The following GPHN variants were observed in gnomAD, a reference collection of about 807,000 sequenced individuals.
GPHN encodes the protein gephyrin.
A neutral mutation model predicts 95.5 loss-of-function variants in GPHN; 17 were observed. The observed-to-expected ratio is 0.18, with a 90% confidence interval of 0.12 to 0.27. The LOEUF is 0.27. Ranked by LOEUF, GPHN falls within the 10% of genes least tolerant of loss-of-function variation. The probability of loss-of-function intolerance (pLI) is 1.00; values close to 1 mark genes in which losing one functional copy is unlikely to be tolerated. For missense variants in GPHN, 660 were observed against 978.1 expected (o/e 0.67, Z 4.34); for synonymous variants, 320 against 322.5 (o/e 0.99, Z 0.08).
At chr14:67,678,488 T>G in the GPHN span, 1 of 1,098,354 alleles carries the variant, frequency 9.1e-7, no homozygotes, top group Non-Finnish European at 1.4e-6. Flanking sequence ...CTGCCAGGGA[T>G]AAGGAATATG....
intron 8 of GPHN, among the ~76,000 whole-genome samples, chr14:66,953,971 G>A (rs1026829113): frequency 6.6e-6 from 1 of 151,820 alleles, no homozygotes; most frequent in Non-Finnish European, 1.5e-5. Flanking sequence ...GGAGGCGGAG[G>A]TTGCAGTGAG....
intron 1 of GPHN, among the ~76,000 whole-genome samples, chr14:66,629,143 A>G (rs1256824655): frequency 1.6e-5 from 2 of 122,656 alleles, no homozygotes; most frequent in East Asian, 4.3e-4. Flanking sequence ...ATATATATTT[A>G]TATACATATA....
chr14:67,678,893 A>AC, the GPHN span, among the ~76,000 whole-genome samples: 1 of 152,220 alleles, frequency 6.6e-6, no homozygotes, highest in Non-Finnish European at 1.5e-5. Flanking sequence ...ACTGTTAGTA[A>AC]ACTCATATGA....
intron 18 of GPHN, among the ~76,000 whole-genome samples, chr14:67,153,002 A>G (rs1047133517): frequency 2.0e-5 from 3 of 151,136 alleles, no homozygotes; most frequent in Non-Finnish European, 2.9e-5. Context: ...TTAGGCTGCT[A>G]TTTAAAAAAT....
chr14:66,638,113 G>A (rs890518855), intron 1 of GPHN, among the ~76,000 whole-genome samples: 2 of 151,748 alleles, frequency 1.3e-5, no homozygotes, highest in Non-Finnish European at 2.9e-5. Flanking sequence ...CCTCCATCTT[G>A]AAACATTTTG....
Position 66,845,819 on chromosome 14 carries a change from C to CTGTGTGTGTGTG in GPHN, c.294+21283_294+21294dup, listed in dbSNP as rs367997271. Among the ~76,000 whole-genome samples the CTGTGTGTGTGTG allele has an allele frequency of 2.1e-3, 307 of 143,398 alleles. 1 individual carries two copies. The highest frequency in any genetic ancestry group is 7.1e-3 in the African/African-American group (277 of 39,258). 94.1% of individuals were successfully genotyped at this position (143,398 alleles called of 152,430 possible). On this transcript the variant is annotated intron_variant, in intron 4 of 22. Coordinates refer to ENST00000478722, the MANE Select transcript of GPHN (RefSeq NM_020806.5). ...TTAGGTAATGTGCACATACATGCCT[C>CTGTGTGTGTGTG]TGTGTGTGTGTGTGTGTGTGTGTGT...
chr14:67,297,998 G>T, the GPHN span, among the ~76,000 whole-genome samples: 1 of 152,278 alleles, frequency 6.6e-6, no homozygotes, highest in African/African-American at 2.4e-5. Context: ...CACAGTTGTT[G>T]TGGGGAGACA....
chr14:67,257,524 A>G, the GPHN span, among the ~76,000 whole-genome samples: 1 of 152,178 alleles, frequency 6.6e-6, no homozygotes, highest in Admixed American at 6.6e-5. Context: ...GTGAGACACA[A>G]CTTGTGGAGA....
At chr14:66,516,173 A>AT (rs1415948060) in intron 1 of GPHN, among the ~76,000 whole-genome samples, 14,726 of 138,884 alleles carry the variant, frequency 0.11, 1,017 homozygotes, top group African/African-American at 0.2. Flanking sequence ...TGCCTGGCTA[A>AT]TTTTTTTTTT....
chr14:67,012,811 A>G (rs1041479228), intron 9 of GPHN, among the ~76,000 whole-genome samples: 1 of 152,152 alleles, frequency 6.6e-6, no homozygotes, highest in South Asian at 2.1e-4. Context: ...CATGATCTTC[A>G]TCTGGCTGTC....
intron 1 of GPHN, among the ~76,000 whole-genome samples, chr14:66,617,371 C>G (rs756504926): frequency 1.6e-4 from 25 of 151,908 alleles, no homozygotes; most frequent in Non-Finnish European, 8.8e-5. Context: ...TCTTCTGATC[C>G]ATGGGTTGCG....
At chr14:67,015,665 C>T (rs72730447) in intron 9 of GPHN, among the ~76,000 whole-genome samples, 7,273 of 152,052 alleles carry the variant, frequency 0.048, 200 homozygotes, top group Middle Eastern at 0.068. Context: ...CCACTCCACT[C>T]GAGCCTGGTG....
At chr14:67,208,476 G>A in the GPHN span, 2 of 1,595,624 alleles carry the variant, frequency 1.3e-6, no homozygotes, top group Non-Finnish European at 1.7e-6. Flanking sequence ...CATGCCAAAG[G>A]AATTCTAAGA....
intron 21 of GPHN, 24 bp from the exon 22 acceptor site, chr14:67,179,554 T>C: frequency 1.4e-6 from 2 of 1,417,524 alleles, no homozygotes; most frequent in Non-Finnish European, 2.0e-6. Flanking sequence ...CCAAGTTTGT[T>C]TTCTTTTCTA....
Position 66,514,263 on chromosome 14 carries a change from C to G in GPHN, c.64+5672C>G, listed in dbSNP as rs113445957. On this transcript the variant is annotated intron_variant, in intron 1 of 22. Transcript: ENST00000478722. ...GAAATTAGAAACTTCAAAGAAATTT[C>G]AAGTGAGCCCATTATATTTCAAGTG... Among the ~76,000 whole-genome samples, 740 of 152,080 alleles carry G rather than the reference C, an allele frequency of 4.9e-3. 5 individuals are homozygous for G. The highest frequency in any genetic ancestry group is 7.6e-3 in the Non-Finnish European group (517 of 67,860).
At position 66,855,198 on chromosome 14, in the gene GPHN, A is replaced by G. The variant is rs529943420; in HGVS notation, c.295-24741A>G. On this transcript the variant is annotated intron_variant, in intron 4 of 22. Coordinates refer to ENST00000478722, the MANE Select transcript of GPHN (RefSeq NM_020806.5). Reference sequence around the variant, plus strand: ...GTTCATTGGTATTAATTATATTCACAATGTTGTACAATTATCACTACTACC... The same window carrying G: ...GTTCATTGGTATTAATTATATTCACGATGTTGTACAATTATCACTACTACC... Among the ~76,000 whole-genome samples, 67 of 152,232 alleles carry G rather than the reference A, an allele frequency of 4.4e-4. 1 individual carries two copies. Among genetic ancestry groups the G allele is most frequent in the African/African-American group, 1.6e-3 (67 of 41,542 alleles).
At chr14:67,732,510 A>G in the GPHN span, among the ~76,000 whole-genome samples, 1 of 144,116 alleles carries the variant, frequency 6.9e-6, no homozygotes, top group Non-Finnish European at 1.5e-5. Flanking sequence ...GAGAGAGACT[A>G]TATCTCTATT....
chr14:67,677,157 AT>A, the GPHN span: 1 of 152,138 alleles, frequency 6.6e-6, no homozygotes, highest in East Asian at 1.9e-4. Context: ...AACACTACTA[AT>A]TCCTTAGACT....
chr14:66,654,395 T>C (rs1018396158), intron 1 of GPHN, among the ~76,000 whole-genome samples: 3 of 152,192 alleles, frequency 2.0e-5, no homozygotes, highest in Non-Finnish European at 4.4e-5. Flanking sequence ...ACGCCTGTTC[T>C]TATTATGATT....
Sources: gnomAD v4.1 joint callset for allele counts (sites outside exome capture counted in the v4.1 genomes callset) on GRCh38, gnomAD v4.1.1 for gene constraint, MANE v1.5 for transcripts, NCBI Gene and HGNC (gene_info 2026-07-23, HGNC 2026-07-21) for gene names.